NPAS3: variants seen among roughly 807,000 people sequenced by gnomAD.
NPAS3 encodes neuronal PAS domain-containing protein 3.
Under a neutral mutation model 73.1 loss-of-function variants are expected in NPAS3, and 14 were observed. The ratio of observed to expected loss-of-function variants is 0.19; its 90% CI spans 0.13 to 0.30. NPAS3 has a LOEUF of 0.30. Among genes scored for constraint, NPAS3 ranks in the 10% least tolerant of loss-of-function variants. The pLI, the probability that NPAS3 is intolerant of heterozygous loss-of-function variation, is 1.00. For missense variants in NPAS3, 1,096 were observed against 1,250.0 expected (o/e 0.88, Z 1.86); for synonymous variants, 620 against 541.5 (o/e 1.14, Z -2.01).
chr14:33,088,637 C>A (rs2042116193), intron 2 of NPAS3, among the ~76,000 whole-genome samples: 1 of 152,226 alleles, frequency 6.6e-6, no homozygotes, highest in African/African-American at 2.4e-5. Context: ...GAAACCTCTG[C>A]AGACTTAAAT....
intron 3 of NPAS3, among the ~76,000 whole-genome samples, chr14:33,239,976 T>C (rs2048164441): frequency 6.6e-6 from 1 of 151,908 alleles, no homozygotes; most frequent in African/African-American, 2.4e-5. Flanking sequence ...AAGGGCCTAC[T>C]ATATTTTCCT....
At chr14:33,232,000 G>GA (rs1253864797) in intron 3 of NPAS3, among the ~76,000 whole-genome samples, 1 of 152,116 alleles carries the variant, frequency 6.6e-6, no homozygotes, top group African/African-American at 2.4e-5. Flanking sequence ...CCTATAGAGA[G>GA]AATTGGTATG....
At chr14:33,236,205 T>C (rs2048028578) in intron 3 of NPAS3, among the ~76,000 whole-genome samples, 1 of 152,014 alleles carries the variant, frequency 6.6e-6, no homozygotes, top group Non-Finnish European at 1.5e-5. Flanking sequence ...TTTTAGATGC[T>C]TGTGCTTGTC....
chr14:33,673,239 A>G (rs1022598668), intron 5 of NPAS3, among the ~76,000 whole-genome samples: 25 of 152,186 alleles, frequency 1.6e-4, no homozygotes, highest in Admixed American at 1.4e-3. Flanking sequence ...CAGTGCTACT[A>G]CCTGAGAGGT....
intron 3 of NPAS3, among the ~76,000 whole-genome samples, chr14:33,315,856 G>C (rs2043189398): frequency 6.6e-6 from 1 of 152,066 alleles, no homozygotes; most frequent in Non-Finnish European, 1.5e-5. Context: ...CTCCAGAAGT[G>C]AAAGATGTGC....
intron 4 of NPAS3, among the ~76,000 whole-genome samples, chr14:33,372,829 G>T (rs145772527): frequency 1.4e-3 from 215 of 152,264 alleles, no homozygotes; most frequent in African/African-American, 5.1e-3. Context: ...TGCATTTTGT[G>T]GCAGGCTCAG....
At chr14:33,598,622 T>C (rs1164972636) in intron 5 of NPAS3, among the ~76,000 whole-genome samples, 2 of 152,256 alleles carry the variant, frequency 1.3e-5, no homozygotes, top group Admixed American at 1.3e-4. Flanking sequence ...TTTTTAAAAC[T>C]ATGCATTTTT....
chr14:33,789,709 C>T (rs905102296), intron 9 of NPAS3, among the ~76,000 whole-genome samples: 1 of 147,946 alleles, frequency 6.8e-6, no homozygotes, highest in Non-Finnish European at 1.5e-5. Flanking sequence ...CTGCCTCAGC[C>T]TCCCAAGTAG....
intron 1 of NPAS3, among the ~76,000 whole-genome samples, chr14:32,994,825 T>C (rs2038499225): frequency 6.6e-6 from 1 of 152,074 alleles, no homozygotes; most frequent in African/African-American, 2.4e-5. Context: ...AGAGATGGGA[T>C]TTCGCCATGT....
chr14:33,247,975 C>T (rs901304609), intron 3 of NPAS3, among the ~76,000 whole-genome samples: 5 of 152,128 alleles, frequency 3.3e-5, no homozygotes, highest in Admixed American at 1.3e-4. Context: ...TCTATTTTCA[C>T]GGTATAGTTT....
At chr14:33,019,227 A>G (rs1290783789) in intron 1 of NPAS3, among the ~76,000 whole-genome samples, 2 of 152,234 alleles carry the variant, frequency 1.3e-5, no homozygotes, top group Non-Finnish European at 2.9e-5. Flanking sequence ...TTGTTTGACC[A>G]TAACTGCACA....
chr14:33,580,559 C>T (rs10137257), intron 5 of NPAS3, among the ~76,000 whole-genome samples: 17,105 of 152,150 alleles, frequency 0.11, 2,180 homozygotes, highest in African/African-American at 0.31. Context: ...CGTACAGCCA[C>T]GGTAGTTCCC....
intron 4 of NPAS3, among the ~76,000 whole-genome samples, chr14:33,408,296 C>T (rs1412377082): frequency 1.3e-5 from 2 of 152,138 alleles, no homozygotes; most frequent in Non-Finnish European, 2.9e-5. Context: ...TCAGCAAGCC[C>T]TTGGTTAAGA....
chr14:33,299,724 A>G (rs2042450653), intron 3 of NPAS3, among the ~76,000 whole-genome samples: 1 of 152,318 alleles, frequency 6.6e-6, no homozygotes, highest in Admixed American at 6.5e-5. Context: ...AAGGGGGAAA[A>G]AAAGCAATGA....
At chr14:33,698,601 TG>T (rs1030026832) in intron 6 of NPAS3, among the ~76,000 whole-genome samples, 5 of 152,216 alleles carry the variant, frequency 3.3e-5, no homozygotes, top group African/African-American at 1.2e-4. Context: ...ACATCCACCT[TG>T]CTCTTTAGGT....
chr14:33,733,732 G>T (rs766180274), intron 6 of NPAS3, among the ~76,000 whole-genome samples: 1 of 151,978 alleles, frequency 6.6e-6, no homozygotes, highest in Non-Finnish European at 1.5e-5. Flanking sequence ...GTGATAAAAA[G>T]CTGTACATTT....
chr14:33,042,396 G>A (rs1022395142), intron 1 of NPAS3, among the ~76,000 whole-genome samples: 14 of 152,132 alleles, frequency 9.2e-5, no homozygotes, highest in African/African-American at 3.4e-4. Flanking sequence ...TGGGAAAGAC[G>A]AATATGTTCA....
At chr14:33,475,774 G>A (rs1159220557) in intron 4 of NPAS3, among the ~76,000 whole-genome samples, 2 of 152,140 alleles carry the variant, frequency 1.3e-5, no homozygotes, top group South Asian at 2.1e-4. Flanking sequence ...TTGTGAATGG[G>A]AGAGAAAACA....
chr14:33,552,178 G>T (rs1294029038), intron 4 of NPAS3, among the ~76,000 whole-genome samples: 1 of 152,194 alleles, frequency 6.6e-6, no homozygotes, highest in African/African-American at 2.4e-5. Flanking sequence ...AACAGAAAGA[G>T]CATGAGACTC....
Sources: allele counts gnomAD v4.1 joint callset (sites outside exome capture counted in the v4.1 genomes callset), GRCh38; gene constraint gnomAD v4.1.1; transcripts MANE v1.5; gene names NCBI Gene and HGNC (gene_info 2026-07-23, HGNC 2026-07-21).